Variants in TLDC2 observed in about 807,000 individuals in gnomAD.
TLDC2 encodes the protein TBC/LysM-associated domain containing 2.
Under a neutral mutation model 27.9 loss-of-function variants are expected in TLDC2, and 23 were observed. The observed-to-expected ratio is 0.82, with a 90% CI of 0.59 to 1.17. The LOEUF is 1.17. TLDC2 is among the 50% of genes most tolerant of loss of function. The pLI is 0.00. For synonymous variants in TLDC2, 124 were observed against 107.4 expected, an observed-to-expected ratio of 1.16 and a Z score of -0.96; for missense variants, 286 against 273.4, an observed-to-expected ratio of 1.05 and a Z score of -0.32.
At chr20:36,889,956 C>T (rs1379077935) in intron 6 of TLDC2, 1 of 152,092 alleles carries the variant, frequency 6.6e-6, no homozygotes, top group Non-Finnish European at 1.5e-5. Context: ...GGATTCTACT[C>T]TGTATGTGTG....
chr20:36,887,622 T>C (rs2148348373), intron 5 of TLDC2, 94 bp downstream of exon 5: 1 of 1,214,582 alleles, frequency 8.2e-7, no homozygotes, highest in Non-Finnish European at 1.2e-6. Context: ...CTTGATGCAA[T>C]GGCGAGGCTA....
At chr20:36,877,393 AAAAG>A (rs1989695366) in intron 1 of TLDC2, among the ~76,000 whole-genome samples, 1 of 150,634 alleles carries the variant, frequency 6.6e-6, no homozygotes, top group Admixed American at 6.7e-5. Context: ...AAAAAAAAAA[AAAAG>A]GAAAAAGAAA....
Position 36,893,821 on chromosome 20 carries a change from C to T in TLDC2, c.*977C>T. 2 of 398,524 alleles carry T rather than the reference C, an allele frequency of 5.0e-6. No homozygotes were observed. Among genetic ancestry groups the T allele is most frequent in the East Asian group, 7.1e-5 (2 of 28,070 alleles). The allele number at this position is 398,524 out of a possible 1,614,324, so 24.7% of individuals were successfully genotyped here. A position where few individuals can be genotyped will look rare whatever the true frequency, so the allele number is the denominator to read the frequency against. The stretch of plus-strand genomic sequence containing the variant: ...GCTCTCAGATCCATTCTTCACTCTT[C>T]CTCTCCCTACTCTGTCTCACAGGAG... On this transcript the variant is annotated 3_prime_UTR_variant, in exon 7 of 7. Transcript: ENST00000217320.
At position 36,877,803 on chromosome 20, in the gene TLDC2, T is replaced by TGATGAG. The variant is rs538066685; in HGVS notation, c.34-94_34-89dup. The TGATGAG allele has an allele frequency of 1.3e-5, 18 of 1,391,560 alleles. No homozygotes were observed. In the East Asian group the frequency reaches 4.4e-4, roughly 34 times the overall value. 86.2% of individuals were successfully genotyped at this position (1,391,560 alleles called of 1,614,324 possible). On this transcript the variant is annotated intron_variant, in intron 1 of 6. Transcript: ENST00000217320. ...GGGTTACAGGCACATGGGCAGGGAGTGATGAGGTGGCCCGAGGAGGCTCTT... is the reference window on the plus strand; with the variant it reads ...GGGTTACAGGCACATGGGCAGGGAGTGATGAGGATGAGGTGGCCCGAGGAGGCTCTT...
rs767155031 is a variant in TLDC2 at position 36,892,937 on chromosome 20, T to C, written c.*93T>C. ...AAACAACTGACTACAGACATTCACA[T>C]TGGGTCATCTTTAAAAAGCTGGACT... On this transcript the variant is annotated 3_prime_UTR_variant, in exon 7 of 7. Transcript: ENST00000217320. 13 of 1,613,954 alleles carry C rather than the reference T, an allele frequency of 8.1e-6. No individual in the cohort carries two copies. The highest frequency in any genetic ancestry group is 1.1e-5 in the Non-Finnish European group (13 of 1,180,028).
chr20:36,884,260 T>A (rs1989873551), intron 4 of TLDC2, among the ~76,000 whole-genome samples: 1 of 152,186 alleles, frequency 6.6e-6, no homozygotes, highest in African/African-American at 2.4e-5. Context: ...TTGCTACTTT[T>A]CCTTTCTCTC....
At position 36,893,736 on chromosome 20, in the gene TLDC2, C is replaced by G. The variant is rs140130264; in HGVS notation, c.*892C>G. On this transcript the variant is annotated 3_prime_UTR_variant, in exon 7 of 7. Transcript: ENST00000217320. ...AAGATGATGCACGATCTTGGAGAGC[C>G]TCTGTTGTACCAGGAATACAATGCT... 2.6e-4 allele frequency: 101 copies of G among 395,910 alleles called. No homozygotes were observed. The highest frequency in any genetic ancestry group is 1.8e-3 in the African/African-American group (89 of 48,704). 24.5% of individuals were successfully genotyped at this position (395,910 alleles called of 1,614,324 possible). A position where few individuals can be genotyped will look rare whatever the true frequency, so the allele number is the denominator to read the frequency against.
At chr20:36,885,359 T>C (rs1266245571) in intron 4 of TLDC2, among the ~76,000 whole-genome samples, 1 of 152,242 alleles carries the variant, frequency 6.6e-6, no homozygotes, top group Non-Finnish European at 1.5e-5. Flanking sequence ...AGCCTGTCTT[T>C]CCAGTCTATT....
At chr20:36,876,674 C>G (rs539043197) in intron 1 of TLDC2, among the ~76,000 whole-genome samples, 22 of 150,446 alleles carry the variant, frequency 1.5e-4, no homozygotes, top group Non-Finnish European at 3.0e-4. Flanking sequence ...CACACACACT[C>G]ACACACTCAA....
At chr20:36,887,336 T>G in intron 4 of TLDC2, 119 bp from the exon 5 acceptor site, 1 of 868,276 alleles carries the variant, frequency 1.2e-6, no homozygotes, top group Non-Finnish European at 1.9e-6. Context: ...CACCTGCGGC[T>G]CGGTTGGGGC....
chr20:36,890,414 C>CTTTCTTTCTTTCTTTCT (rs1555830169), intron 6 of TLDC2: 4 of 149,988 alleles, frequency 2.7e-5, no homozygotes, highest in African/African-American at 7.4e-5. Context: ...TTCTTTCTTT[C>CTTTCTTTCTTTCTTTCT]TTTCTTTTCT....
In TLDC2 at chr20:36,889,263, G is replaced by A; in HGVS notation, c.525G>A (p.Gly175=). Residue 175 remains glycine (G), a synonymous_variant, in exon 6 of 7, where the codon GGG becomes GGA. Coordinates refer to ENST00000217320, the MANE Select transcript of TLDC2 (RefSeq NM_080628.3). ...CTCTTCTCTCTAGTGGCCGGTTTGG[G>A]CTGTGGTTGGATGGAGACTTGTTCC... is the stretch of plus-strand genomic sequence containing the variant. ...LMMGSGSGRF[G]LWLDGDLFRG... is the part of the protein sequence containing the mutation. 1 of 1,614,112 alleles carries A rather than the reference G, an allele frequency of 6.2e-7. No homozygotes were observed. The highest frequency in any genetic ancestry group is 8.5e-7 in the Non-Finnish European group (1 of 1,179,988).
rs1304913834 is a variant in TLDC2, at chr20:36,877,949, A to AGAG, written c.95_97dup (p.Glu32dup). On this transcript the variant is annotated inframe_insertion, in exon 2 of 7. Transcript: ENST00000217320. ...CTGGGGAGGAGGGTAACGAAGAGGAAGAGGAGGAGGAGGCAGCTCCAGACC... is the reference window on the plus strand; with the variant it reads ...CTGGGGAGGAGGGTAACGAAGAGGAAGAGGAGGAGGAGGAGGCAGCTCCAGACC... 3 of 1,613,878 alleles carry AGAG rather than the reference A, an allele frequency of 1.9e-6. No homozygotes were observed. The highest frequency in any genetic ancestry group is 2.5e-6 in the Non-Finnish European group (3 of 1,179,966).
rs775082384 is a variant in TLDC2, at chr20:36,892,878, C to G, written c.*34C>G. ...AATTTGCAGAATTCTATGATTGAAG[C>G]CTCTAAATGAATTGTGCAGGAGAGG... On this transcript the variant is annotated 3_prime_UTR_variant, in exon 7 of 7. Coordinates refer to ENST00000217320, the MANE Select transcript of TLDC2 (RefSeq NM_080628.3). 2.5e-6 allele frequency: 4 copies of G among 1,603,878 alleles called. No homozygotes were observed. Among genetic ancestry groups the G allele is most frequent in the Non-Finnish European group, 3.4e-6 (4 of 1,170,948 alleles).
In TLDC2 at chr20:36,887,477, A is replaced by G. The variant is rs368876056; in HGVS notation, c.461A>G (p.Asn154Ser). ...CAGGTCTTTAAGTGGACTGGAAGCA[A>G]CTCTTTCTTTGTGAAGGGAGACTTG... is the stretch of plus-strand genomic sequence containing the variant. The part of the protein sequence containing the change: ...QLKVFKWTGS[N>S]SFFVKGDLDS... Residue 154 changes from asparagine to serine, a missense_variant, in exon 5 of 7, where the codon AAC becomes AGC. Asn to Ser is a conservative substitution (Grantham distance 46, BLOSUM62 1). Coordinates refer to ENST00000217320, the MANE Select transcript of TLDC2 (RefSeq NM_080628.3). The G allele has an allele frequency of 2.4e-4, 391 of 1,613,852 alleles. 2 individuals are homozygous for G. The South Asian group carries it at 2.8e-3, about 11-fold the overall frequency.
intron 4 of TLDC2, among the ~76,000 whole-genome samples, chr20:36,883,429 T>C (rs558143658): frequency 3.3e-5 from 5 of 152,192 alleles, no homozygotes; most frequent in African/African-American, 7.2e-5. Flanking sequence ...GAGTGCTGCA[T>C]CTGGCCCCAA....
intron 4 of TLDC2, among the ~76,000 whole-genome samples, chr20:36,881,462 G>A (rs1291127): frequency 0.08 from 12,167 of 152,228 alleles, 626 homozygotes; most frequent in Middle Eastern, 0.15. Context: ...CACAGGTGTG[G>A]GAAGGGAGGG....
chr20:36,879,175 C>T lies in TLDC2; in HGVS notation c.324C>T (p.Leu108=), dbSNP rs149319588. The part of the protein sequence containing the change: ...EGCSGPVLLV[L]RDQDGQIFGA... ...GCAGCGGGCCAGTGCTGCTGGTGCT[C>T]AGGGACCAGGACGGGCAGGTGAGCT... is the stretch of plus-strand genomic sequence containing the variant. Residue 108 remains leucine, a synonymous_variant, in exon 3 of 7, where the codon CTC becomes CTT. Coordinates refer to ENST00000217320, the MANE Select transcript of TLDC2 (RefSeq NM_080628.3). The T allele has an allele frequency of 1.2e-6, 2 of 1,613,308 alleles. No homozygotes were observed. The highest frequency in any genetic ancestry group is 1.3e-5 in the African/African-American group (1 of 74,908).
Position 36,880,070 on chromosome 20 carries a change from CATATATATAT to C in TLDC2, c.343-563_343-554del, listed in dbSNP as rs1186641126. ...ATTACTTGTGTAGAATATATATATA[CATATATATAT>C]ATATATATATATATATATATACTTT... On this transcript the variant is annotated intron_variant, in intron 3 of 6. Transcript: ENST00000217320. Among the ~76,000 whole-genome samples the C allele has an allele frequency of 2.5e-3, 181 of 73,058 alleles. 5 individuals are homozygous for C. The highest frequency in any genetic ancestry group is 8.0e-3 in the African/African-American group (171 of 21,294). 47.9% of individuals were successfully genotyped at this position (73,058 alleles called of 152,430 possible).
Sources: allele counts gnomAD v4.1 joint callset (sites outside exome capture counted in the v4.1 genomes callset), GRCh38; gene constraint gnomAD v4.1.1; transcripts MANE v1.5; gene names NCBI Gene and HGNC (gene_info 2026-07-23, HGNC 2026-07-21).